The following NARF variants were observed in gnomAD, a reference collection of about 807,000 sequenced individuals.
NARF encodes the protein iron-only hydrogenase-like protein 2.
In NARF, 41 loss-of-function variants were observed where a neutral mutation model predicts 48.0. That is an observed-to-expected ratio of 0.85 (90% CI 0.66 to 1.11). The LOEUF is 1.11. Among genes scored for constraint, NARF ranks in the 50% least tolerant of loss-of-function variants. The pLI is 0.00. For synonymous variants in NARF, 215 were observed against 225.5 expected, an observed-to-expected ratio of 0.95 and a Z score of 0.42; for missense variants, 613 against 590.2, an observed-to-expected ratio of 1.04 and a Z score of -0.40.
rs1342900240 is a variant in NARF, at chr17:82,488,077, T to A, written c.1291T>A (p.Ser431Thr). ...LYQEWLEGIN[S>T]PKAREVLHTT... ...CCAGGAGTGGCTGGAGGGGATCAACTCCCCCAAGGCCCGAGAGGTGCTGCA... is the reference window on the plus strand; with the variant it reads ...CCAGGAGTGGCTGGAGGGGATCAACACCCCCAAGGCCCGAGAGGTGCTGCA... Residue 431 changes from serine to threonine, a missense_variant, in exon 11 of 11, where the codon TCC (serine) becomes ACC (threonine). By Grantham distance (58) the Ser-to-Thr change is moderately conservative. Coordinates refer to ENST00000309794, the MANE Select transcript of NARF (RefSeq NM_012336.4). 6.2e-7 allele frequency: 1 copy of A among 1,613,490 alleles called. No homozygotes were observed. Among genetic ancestry groups the A allele is most frequent in the African/African-American group, 1.3e-5 (1 of 74,774 alleles).
intron 2 of NARF, chr17:82,464,041 A>C: frequency 2.2e-6 from 1 of 458,502 alleles, no homozygotes; most frequent in Non-Finnish European, 3.9e-6. Flanking sequence ...GCTGGGTTCC[A>C]CCCTTGTCAT....
intron 1 of NARF, 146 bp downstream of exon 1, chr17:82,458,976 C>G (rs1406122229): frequency 2.5e-6 from 3 of 1,216,136 alleles, no homozygotes; most frequent in Non-Finnish European, 3.1e-6. Flanking sequence ...GCCCGCTCGG[C>G]GTGGAGGCGG....
In NARF at chr17:82,479,034, A is replaced by G. The variant is rs1173686648; in HGVS notation, c.639+116A>G. 2.5e-5 allele frequency: 22 copies of G among 886,024 alleles called. 1 individual carries two copies. Among genetic ancestry groups the G allele is most frequent in the Non-Finnish European group, 3.6e-5 (21 of 588,088 alleles). The allele number at this position is 886,024 out of a possible 1,614,324, so 54.9% of individuals were successfully genotyped here. A position where few individuals can be genotyped will look rare whatever the true frequency, so the allele number is the denominator to read the frequency against. ...CGTGGTCACGGCCCCCCAGGTGAGC[A>G]AAAAGGAAGCTGTGGCTTCAGGAAA... On this transcript the variant is annotated intron_variant, in intron 6 of 10. Coordinates refer to ENST00000309794, the MANE Select transcript of NARF (RefSeq NM_012336.4).
rs544616422 is a variant in NARF at position 82,481,582 on chromosome 17, T to C, written c.769+371T>C. The stretch of plus-strand genomic sequence containing the variant: ...CGTCTCTACTAAAACTACAAAAAAC[T>C]AGCCGGGCATGGTGGCACATGCCTG... On this transcript the variant is annotated intron_variant, in intron 7 of 10. Transcript: ENST00000309794. 5.9e-5 allele frequency among the ~76,000 whole-genome samples: 9 copies of C among 152,078 alleles called. No individual in the cohort carries two copies. The East Asian group carries it at 1.5e-3, about 26-fold the overall frequency.
intron 2 of NARF, chr17:82,462,732 G>A (rs1453194905): frequency 1.3e-5 from 2 of 152,710 alleles, no homozygotes; most frequent in African/African-American, 4.8e-5. Context: ...TGGAAGGCAG[G>A]AGGAATAAGA....
chr17:82,480,271 G>A (rs974965555), intron 6 of NARF: 16 of 394,572 alleles, frequency 4.1e-5, no homozygotes, highest in Non-Finnish European at 6.7e-5. Flanking sequence ...AAGTCTGTGG[G>A]TGAAGTAGCC....
chr17:82,482,142 GA>G, intron 7 of NARF: 2 of 314,226 alleles, frequency 6.4e-6, no homozygotes, highest in South Asian at 2.3e-5. Context: ...ATTGGTCTCT[GA>G]AAACAGGTCC....
At chr17:82,482,830 CTG>C (rs1383356634) in intron 7 of NARF, 1 of 151,902 alleles carries the variant, frequency 6.6e-6, no homozygotes, top group Admixed American at 6.6e-5. Context: ...GAGTCTCACT[CTG>C]TCACCCAGGC....
At chr17:82,479,637 T>G (rs770116249) in intron 6 of NARF, among the ~76,000 whole-genome samples, 7 of 152,014 alleles carry the variant, frequency 4.6e-5, no homozygotes, top group Non-Finnish European at 7.4e-5. Context: ...ACTTTACACC[T>G]CCCTCCGGGG....
Position 82,458,907 on chromosome 17 carries a change from G to A in NARF, c.27+77G>A, listed in dbSNP as rs189363872. 6,206 of 1,285,164 alleles carry A rather than the reference G, an allele frequency of 4.8e-3. 251 individuals are homozygous for A. In the African/African-American group the frequency reaches 0.085, roughly 18 times the overall value. The allele number at this position is 1,285,164 out of a possible 1,614,324, so 79.6% of individuals were successfully genotyped here. On this transcript the variant is annotated intron_variant, in intron 1 of 10. Coordinates refer to ENST00000309794, the MANE Select transcript of NARF (RefSeq NM_012336.4). The stretch of plus-strand genomic sequence containing the variant: ...TCTGGGCGGCCGAGGTTGGCGGTCC[G>A]GGCCCGCCGCTCGCTCGCTTCAGGG...
Position 82,485,500 on chromosome 17 carries a change from CAA to C in NARF, c.977_978del (p.Lys326ArgfsTer8). ...ATTCTCTGTGTTCATTTTGTAGAAACAAAGACTTCCAAGAGGTCACCCTTGAG... is the reference window on the plus strand; with the variant it reads ...ATTCTCTGTGTTCATTTTGTAGAAACAGACTTCCAAGAGGTCACCCTTGAG... ...EEVTYRALRN[K>X]DFQEVTLEKN... On this transcript the variant is annotated frameshift_variant, in exon 10 of 11. Coordinates refer to ENST00000309794, the MANE Select transcript of NARF (RefSeq NM_012336.4). LOFTEE classifies it high-confidence loss of function. The C allele has an allele frequency of 6.2e-7, 1 of 1,613,868 alleles. No individual in the cohort carries two copies. The highest frequency in any genetic ancestry group is 2.2e-5 in the East Asian group (1 of 44,872).
At chr17:82,472,061 G>A (rs376881032) in intron 4 of NARF, among the ~76,000 whole-genome samples, 3 of 152,104 alleles carry the variant, frequency 2.0e-5, no homozygotes, top group African/African-American at 7.2e-5. Flanking sequence ...TAAAGCACAC[G>A]GTCTTGAACT....
chr17:82,472,387 G>C (rs1395820394), intron 4 of NARF, among the ~76,000 whole-genome samples, 177 bp from the exon 5 acceptor site: 2 of 151,930 alleles, frequency 1.3e-5, no homozygotes, highest in East Asian at 3.9e-4. Flanking sequence ...GGGAGACTGA[G>C]GTGGGAGGAT....
intron 3 of NARF, 58 bp downstream of exon 3, chr17:82,464,488 G>C: frequency 6.4e-7 from 1 of 1,561,472 alleles, no homozygotes; most frequent in South Asian, 1.2e-5. Context: ...AAGTGGAGGT[G>C]AGGCCTGGCT....
chr17:82,458,481 G>A (rs993453859), upstream of NARF: 3 of 324,120 alleles, frequency 9.3e-6, no homozygotes, highest in Non-Finnish European at 1.7e-5. Flanking sequence ...AGCGGAAACC[G>A]GCGCAAGGAC....
intron 3 of NARF, among the ~76,000 whole-genome samples, chr17:82,466,230 G>A (rs190664956): frequency 2.7e-4 from 41 of 152,214 alleles, no homozygotes; most frequent in Non-Finnish European, 5.6e-4. Context: ...TAAGTGATAG[G>A]GGCAAACAGC....
rs928250174 is a variant in NARF at position 82,488,349 on chromosome 17, A to C, written c.*192A>C. On this transcript the variant is annotated 3_prime_UTR_variant, in exon 11 of 11. Transcript: ENST00000309794. ...GGCAGTTTCATGTGGTGCTATCTTC[A>C]TAATAGGTGTGGGATTGGAACTTTT... is the stretch of plus-strand genomic sequence containing the variant. 3.7e-6 allele frequency: 3 copies of C among 811,994 alleles called. No individual in the cohort carries two copies. Among genetic ancestry groups the C allele is most frequent in the South Asian group, 2.1e-5 (1 of 47,708 alleles). The allele number at this position is 811,994 out of a possible 1,614,324, so 50.3% of individuals were successfully genotyped here.
At chr17:82,458,916 G>C (rs1261824703) in intron 1 of NARF, 86 bp downstream of exon 1, 1 of 1,281,748 alleles carries the variant, frequency 7.8e-7, no homozygotes, top group Admixed American at 4.1e-5. Flanking sequence ...CGGGCCCGCC[G>C]CTCGCTCGCT....
intron 1 of NARF, 111 bp downstream of exon 1, chr17:82,458,941 G>A: frequency 8.1e-7 from 1 of 1,229,982 alleles, no homozygotes; most frequent in Non-Finnish European, 1.0e-6. Context: ...GGCTCTTCAA[G>A]GCGCCCCCGG....
Sources: gnomAD v4.1 joint callset for allele counts (sites outside exome capture counted in the v4.1 genomes callset) on GRCh38, gnomAD v4.1.1 for gene constraint, MANE v1.5 for transcripts, NCBI Gene and HGNC (gene_info 2026-07-23, HGNC 2026-07-21) for gene names.